The following SMG9 variants were observed in gnomAD, a reference collection of about 807,000 sequenced individuals.
SMG9 encodes the protein nonsense-mediated mRNA decay factor SMG9.
A neutral mutation model predicts 64.0 loss-of-function variants in SMG9; 55 were observed. That is an observed-to-expected ratio of 0.86 (90% CI 0.69 to 1.08). SMG9 has a LOEUF of 1.08. Ranked by LOEUF, SMG9 falls within the 50% of genes least tolerant of loss-of-function variation. The pLI, the probability that SMG9 is intolerant of heterozygous loss-of-function variation, is 0.00. For synonymous variants in SMG9, 244 were observed against 254.8 expected (o/e 0.96, Z 0.41); for missense variants, 554 against 681.3 (o/e 0.81, Z 2.08).
intron 2 of SMG9, among the ~76,000 whole-genome samples, chr19:43,750,041 A>G (rs140882579): frequency 6.6e-6 from 1 of 152,392 alleles, no homozygotes; most frequent in East Asian, 1.9e-4. Flanking sequence ...TAGGCTGCTC[A>G]GTAAAAAGAG....
At position 43,754,811 on chromosome 19, in the gene SMG9, A is replaced by C. The variant is rs1189357991; in HGVS notation, c.-164T>G. 6.6e-6 allele frequency: 1 copy of C among 152,284 alleles called. No homozygotes were observed. 9.4% of individuals were successfully genotyped at this position (152,284 alleles called of 1,614,324 possible). A position where few individuals can be genotyped will look rare whatever the true frequency, so the allele number is the denominator to read the frequency against. On this transcript the variant is annotated 5_prime_UTR_variant, in exon 1 of 14. Transcript: ENST00000270066. ...GAGAAAATGGGCACTCCCCACTCCG[A>C]AACCGGCCTCGGCGTCCGGGTTGCA...
chr19:43,729,630 C>T lies in SMG9; in HGVS notation c.*1966G>A, dbSNP rs1170034366. 6.6e-6 allele frequency: 1 copy of T among 152,550 alleles called. No homozygotes were observed. Among genetic ancestry groups the T allele is most frequent in the Non-Finnish European group, 1.5e-5 (1 of 68,358 alleles). The allele number at this position is 152,550 out of a possible 1,614,324, so 9.4% of individuals were successfully genotyped here. A position where few individuals can be genotyped will look rare whatever the true frequency, so the allele number is the denominator to read the frequency against. On this transcript the variant is annotated 3_prime_UTR_variant, in exon 14 of 14. Transcript: ENST00000270066. ...CGTTGCCCCCACCACCTTTCCTACT[C>T]TGGCAAACCCCCAAATCAACCAGCA... is the stretch of plus-strand genomic sequence containing the variant.
At chr19:43,740,903 G>C (rs1471400736) in intron 6 of SMG9, among the ~76,000 whole-genome samples, 2 of 152,194 alleles carry the variant, frequency 1.3e-5, no homozygotes, top group African/African-American at 4.8e-5. Flanking sequence ...TGGTGACTCT[G>C]TGACTTGGGC....
In SMG9 at chr19:43,737,103, T is replaced by C. The variant is rs553478493; in HGVS notation, c.995+494A>G. ...AGCCTAGCCAACATGGTGAAACCCA[T>C]CTCTACTAAAGATGCAAAAATTAGC... is the stretch of plus-strand genomic sequence containing the variant. On this transcript the variant is annotated intron_variant, in intron 9 of 13. Coordinates refer to ENST00000270066, the MANE Select transcript of SMG9 (RefSeq NM_019108.4). Among the ~76,000 whole-genome samples, 105 of 152,190 alleles carry C rather than the reference T, an allele frequency of 6.9e-4. 1 individual carries two copies. The highest frequency in any genetic ancestry group is 2.3e-3 in the African/African-American group (97 of 41,542).
chr19:43,740,028 G>A (rs754954589), intron 7 of SMG9, 79 bp downstream of exon 7: 2 of 1,029,460 alleles, frequency 1.9e-6, no homozygotes, highest in Admixed American at 1.7e-5. Flanking sequence ...TCCACGCAGG[G>A]TTCTGGCTTA....
chr19:43,733,441 T>A lies in SMG9; in HGVS notation c.1222A>T (p.Met408Leu), dbSNP rs748129037. Residue 408 changes from methionine (M) to leucine (L), a missense_variant, in exon 12 of 14, where the codon ATG becomes TTG. Physicochemically the swap from Met to Leu is conservative, Grantham distance 15 (BLOSUM62 2). Transcript: ENST00000270066. ...CCCGGGAAGACATTGCATTGTAACA[T>A]GGACAGAGTTCCTGGAGGAGAAAAC... The part of the protein sequence containing the change: ...SHLRYKGTLS[M>L]LQCNVFPGLP... The A allele has an allele frequency of 4.3e-6, 7 of 1,613,916 alleles. No homozygotes were observed. The highest frequency in any genetic ancestry group is 5.9e-6 in the Non-Finnish European group (7 of 1,180,034).
intron 6 of SMG9, 33 bp from the exon 7 acceptor site, chr19:43,740,251 G>A (rs1396018318): frequency 2.7e-6 from 4 of 1,466,620 alleles, no homozygotes; most frequent in South Asian, 1.1e-5. Context: ...GTGTGTGAGA[G>A]CTCTGGTTCT....
At position 43,731,173 on chromosome 19, in the gene SMG9, T is replaced by C; in HGVS notation, c.*423A>G. On this transcript the variant is annotated 3_prime_UTR_variant, in exon 14 of 14. Transcript: ENST00000270066. Reference sequence around the variant, plus strand: ...ACAGGCTTGCATGACTGTGTTTATTTGAACCACCAGATCTGTTCCAATAAA... The same window carrying C: ...ACAGGCTTGCATGACTGTGTTTATTCGAACCACCAGATCTGTTCCAATAAA... The C allele has an allele frequency of 1.0e-6, 1 of 996,760 alleles. No individual in the cohort carries two copies. Among genetic ancestry groups the C allele is most frequent in the Non-Finnish European group, 1.2e-6 (1 of 837,320 alleles). The allele number at this position is 996,760 out of a possible 1,614,324, so 61.7% of individuals were successfully genotyped here. A position where few individuals can be genotyped will look rare whatever the true frequency, so the allele number is the denominator to read the frequency against.
Position 43,731,549 on chromosome 19 carries a change from C to T in SMG9, c.*47G>A, listed in dbSNP as rs1276129886. 1 of 1,612,868 alleles carries T rather than the reference C, an allele frequency of 6.2e-7. No homozygotes were observed. The highest frequency in any genetic ancestry group is 8.5e-7 in the Non-Finnish European group (1 of 1,179,312). Reference sequence around the variant, plus strand: ...TGGACATCTGTGCTCCCTCGCAGTACACTGCGGACCCAGGAGGTCCCCTGC... The same window carrying T: ...TGGACATCTGTGCTCCCTCGCAGTATACTGCGGACCCAGGAGGTCCCCTGC... On this transcript the variant is annotated 3_prime_UTR_variant, in exon 14 of 14. Transcript: ENST00000270066.
At chr19:43,748,136 G>A (rs933698959) in intron 2 of SMG9, 84 bp from the exon 3 acceptor site, 6 of 1,455,124 alleles carry the variant, frequency 4.1e-6, no homozygotes, top group East Asian at 2.3e-5. Context: ...TCTAAATGCC[G>A]AAATATATTA....
chr19:43,733,789 T>TC, intron 10 of SMG9, 56 bp from the exon 11 acceptor site: 1 of 1,317,072 alleles, frequency 7.6e-7, no homozygotes, highest in Non-Finnish European at 1.1e-6. Flanking sequence ...CTTCATGGAC[T>TC]CCCCTTTCTC....
intron 7 of SMG9, among the ~76,000 whole-genome samples, chr19:43,739,517 CGAG>C (rs1968779644): frequency 6.6e-6 from 1 of 152,010 alleles, no homozygotes; most frequent in Admixed American, 6.6e-5. Flanking sequence ...CCTCCAGAGG[CGAG>C]GATAGGCAGT....
At position 43,747,619 on chromosome 19, in the gene SMG9, C is replaced by A. The variant is rs1185903549; in HGVS notation, c.490+14G>T. The A allele has an allele frequency of 6.2e-7, 1 of 1,613,978 alleles. No homozygotes were observed. The highest frequency in any genetic ancestry group is 1.1e-5 in the South Asian group (1 of 91,062). ...CGCCAGTTCCCAACCTGGTACTGCC[C>A]AGCCCCAACTCACGGTCCATGGCTG... On this transcript the variant is annotated intron_variant, in intron 4 of 13. Coordinates refer to ENST00000270066, the MANE Select transcript of SMG9 (RefSeq NM_019108.4).
In SMG9 at chr19:43,730,338, T is replaced by C. The variant is rs1238988743; in HGVS notation, c.*1258A>G. ...ATTTAACTGAGCAGATGAGGGTTGG[T>C]ACTGTACCAAATCGCAGAGTGGATT... is the stretch of plus-strand genomic sequence containing the variant. On this transcript the variant is annotated 3_prime_UTR_variant, in exon 14 of 14. Coordinates refer to ENST00000270066, the MANE Select transcript of SMG9 (RefSeq NM_019108.4). The C allele has an allele frequency of 6.6e-6, 1 of 152,218 alleles. No individual in the cohort carries two copies. The highest frequency in any genetic ancestry group is 2.4e-5 in the African/African-American group (1 of 41,442). 9.4% of individuals were successfully genotyped at this position (152,218 alleles called of 1,614,324 possible). A position where few individuals can be genotyped will look rare whatever the true frequency, so the allele number is the denominator to read the frequency against.
chr19:43,740,607 TG>T (rs1968817912), intron 6 of SMG9, among the ~76,000 whole-genome samples: 1 of 152,166 alleles, frequency 6.6e-6, no homozygotes, highest in Non-Finnish European at 1.5e-5. Context: ...ATCAAAACTC[TG>T]TGTATTACTG....
chr19:43,734,108 T>C (rs748230730), intron 10 of SMG9: 12 of 534,634 alleles, frequency 2.2e-5, no homozygotes, highest in Non-Finnish European at 4.0e-5. Context: ...ACTTCCTGAG[T>C]TGGGAGATTC....
At chr19:43,748,546 TGGCAG>T in intron 2 of SMG9, 1 of 455,610 alleles carries the variant, frequency 2.2e-6, no homozygotes, top group South Asian at 1.6e-5. Context: ...ACCTGACACA[TGGCAG>T]GTGCTCACTA....
At chr19:43,732,115 GC>G (rs1332383542) in intron 13 of SMG9, among the ~76,000 whole-genome samples, 1 of 152,220 alleles carries the variant, frequency 6.6e-6, no homozygotes, top group Non-Finnish European at 1.5e-5. Flanking sequence ...TCAAAGCTCT[GC>G]CCCATCTCTG....
At chr19:43,753,539 C>T (rs1280550507) in intron 1 of SMG9, among the ~76,000 whole-genome samples, 7 of 147,486 alleles carry the variant, frequency 4.7e-5, no homozygotes, top group African/African-American at 1.0e-4. Context: ...CAGCTGGCTG[C>T]GGCCTCTGCC....
Sources: allele counts gnomAD v4.1 joint callset (sites outside exome capture counted in the v4.1 genomes callset), GRCh38; gene constraint gnomAD v4.1.1; transcripts MANE v1.5; gene names NCBI Gene and HGNC (gene_info 2026-07-23, HGNC 2026-07-21).